The following STK39 variants were observed in gnomAD, a reference collection of about 807,000 sequenced individuals.
STK39 encodes STE20/SPS1-related proline-alanine-rich protein kinase.
In STK39, 20 loss-of-function variants were observed where a neutral mutation model predicts 77.8. That is an observed-to-expected ratio of 0.26 (90% CI 0.18 to 0.37). The LOEUF is 0.37. STK39 is among the 10% of genes least tolerant of loss of function. The pLI, the probability that STK39 is intolerant of heterozygous loss-of-function variation, is 1.00. For synonymous variants in STK39, 246 were observed against 234.1 expected, an observed-to-expected ratio of 1.05 and a Z score of -0.47; for missense variants, 479 against 656.5, an observed-to-expected ratio of 0.73 and a Z score of 2.95.
chr2:168,054,777 C>CA (rs5836168), intron 14 of STK39, among the ~76,000 whole-genome samples: 35 of 149,152 alleles, frequency 2.3e-4, no homozygotes, highest in Admixed American at 1.1e-3. Context: ...TTGAAAAAAA[C>CA]AAAAAAAAAA....
chr2:168,126,707 A>G (rs948392785), intron 10 of STK39, among the ~76,000 whole-genome samples: 3 of 152,180 alleles, frequency 2.0e-5, no homozygotes, highest in African/African-American at 7.2e-5. Flanking sequence ...GGCACTTACT[A>G]TGAATGAGAA....
chr2:168,007,812 A>G (rs965622473), intron 16 of STK39, among the ~76,000 whole-genome samples: 1 of 152,220 alleles, frequency 6.6e-6, no homozygotes, highest in African/African-American at 2.4e-5. Flanking sequence ...ACTGGAAGCC[A>G]TGGTGATTGT....
chr2:168,236,528 T>C (rs1690614846), intron 1 of STK39, among the ~76,000 whole-genome samples: 1 of 152,204 alleles, frequency 6.6e-6, no homozygotes, highest in Non-Finnish European at 1.5e-5. Flanking sequence ...TCCTTGCCCA[T>C]GCCTATGTCC....
chr2:168,073,948 G>A (rs1456283578), intron 12 of STK39, among the ~76,000 whole-genome samples: 2 of 152,078 alleles, frequency 1.3e-5, no homozygotes, highest in Admixed American at 1.3e-4. Flanking sequence ...GAAATTGAGA[G>A]GTGAATTAAA....
At chr2:168,211,812 T>C (rs1689898067) in intron 1 of STK39, among the ~76,000 whole-genome samples, 1 of 152,194 alleles carries the variant, frequency 6.6e-6, no homozygotes, top group Non-Finnish European at 1.5e-5. Flanking sequence ...CGTTCATGTA[T>C]AAATTCCTAT....
chr2:168,044,291 A>G (rs149432472), intron 14 of STK39, among the ~76,000 whole-genome samples: 33 of 152,306 alleles, frequency 2.2e-4, no homozygotes, highest in African/African-American at 7.9e-4. Context: ...TTCAACACCA[A>G]TAACATAGTA....
chr2:168,035,749 A>G (rs567110771), intron 14 of STK39, among the ~76,000 whole-genome samples: 4 of 152,322 alleles, frequency 2.6e-5, no homozygotes, highest in African/African-American at 9.6e-5. Context: ...TTTGTGGGTG[A>G]GCAGGATAAG....
intron 12 of STK39, among the ~76,000 whole-genome samples, chr2:168,071,110 T>C (rs1409973567): frequency 5.9e-5 from 9 of 152,146 alleles, no homozygotes; most frequent in Non-Finnish European, 1.2e-4. Flanking sequence ...TTTCCTAAAA[T>C]ATCCCTAGTT....
intron 1 of STK39, among the ~76,000 whole-genome samples, chr2:168,212,664 T>C (rs1046142305): frequency 1.3e-5 from 2 of 152,234 alleles, no homozygotes; most frequent in Admixed American, 6.5e-5. Flanking sequence ...GTTCATAGCA[T>C]AGCCCTGTAA....
intron 8 of STK39, among the ~76,000 whole-genome samples, chr2:168,136,819 A>T (rs564277165): frequency 3.3e-5 from 5 of 152,380 alleles, no homozygotes; most frequent in African/African-American, 1.2e-4. Flanking sequence ...ATGAAAGATT[A>T]AAAAATTTTG....
intron 16 of STK39, among the ~76,000 whole-genome samples, chr2:168,008,179 T>C (rs1684179802): frequency 6.6e-6 from 1 of 152,186 alleles, no homozygotes; most frequent in Non-Finnish European, 1.5e-5. Context: ...CCTGGATCTC[T>C]GGCTGTTGAG....
intron 16 of STK39, among the ~76,000 whole-genome samples, chr2:168,002,139 AG>A (rs1684017300): frequency 6.6e-6 from 1 of 152,256 alleles, no homozygotes; most frequent in African/African-American, 2.4e-5. Context: ...ACCCAAGTGA[AG>A]TTAAGTACAG....
chr2:168,184,151 C>A (rs150925050), intron 1 of STK39, among the ~76,000 whole-genome samples: 1 of 152,252 alleles, frequency 6.6e-6, no homozygotes, highest in Non-Finnish European at 1.5e-5. Flanking sequence ...ACAAAACAAG[C>A]GTATGTAATA....
chr2:168,083,022 A>G (rs931514338), intron 10 of STK39, among the ~76,000 whole-genome samples: 1 of 152,208 alleles, frequency 6.6e-6, no homozygotes, highest in African/African-American at 2.4e-5. Flanking sequence ...TGCTATTATC[A>G]TGAATATCCT....
chr2:168,204,677 T>C (rs1261242509), intron 1 of STK39, among the ~76,000 whole-genome samples: 2 of 152,238 alleles, frequency 1.3e-5, no homozygotes, highest in Non-Finnish European at 2.9e-5. Flanking sequence ...TGCAGCTTTT[T>C]CTTTCCCTCT....
intron 10 of STK39, among the ~76,000 whole-genome samples, chr2:168,124,650 C>T (rs1687493723): frequency 1.3e-5 from 2 of 152,068 alleles, no homozygotes; most frequent in Non-Finnish European, 1.5e-5. Flanking sequence ...CCTCCCACCT[C>T]GGCCTCCCAA....
intron 10 of STK39, among the ~76,000 whole-genome samples, chr2:168,077,272 T>C (rs1686105395): frequency 6.6e-6 from 1 of 152,224 alleles, no homozygotes; most frequent in Non-Finnish European, 1.5e-5. Context: ...AGAGTCTAGA[T>C]TAACATCCTA....
chr2:168,050,092 A>C (rs1219192674), intron 14 of STK39, among the ~76,000 whole-genome samples: 1 of 152,232 alleles, frequency 6.6e-6, no homozygotes, highest in African/African-American at 2.4e-5. Context: ...GAAGAAAATA[A>C]GCTTCACACA....
At chr2:168,024,661 G>A (rs1485914150) in intron 14 of STK39, among the ~76,000 whole-genome samples, 1 of 152,300 alleles carries the variant, frequency 6.6e-6, no homozygotes, top group East Asian at 1.9e-4. Flanking sequence ...TGGTCATTAC[G>A]AATTACCCAG....
Sources: allele counts gnomAD v4.1 joint callset (sites outside exome capture counted in the v4.1 genomes callset), GRCh38; gene constraint gnomAD v4.1.1; transcripts MANE v1.5; gene names NCBI Gene and HGNC (gene_info 2026-07-23, HGNC 2026-07-21).